The following CNTNAP2 variants were observed in gnomAD, a reference collection of about 807,000 sequenced individuals.
CNTNAP2 encodes the protein contactin-associated protein-like 2.
In CNTNAP2, 98 loss-of-function variants were observed where a neutral mutation model predicts 155.2. The observed-to-expected ratio is 0.63, with a 90% CI of 0.54 to 0.75. The LOEUF is 0.75. CNTNAP2 is among the 30% of genes least tolerant of loss of function. The pLI is 0.00. For missense variants in CNTNAP2, 1,727 were observed against 1,688.1 expected, an observed-to-expected ratio of 1.02 and a Z score of -0.40; for synonymous variants, 651 against 631.2, an observed-to-expected ratio of 1.03 and a Z score of -0.47.
intron 1 of CNTNAP2, among the ~76,000 whole-genome samples, chr7:146,752,499 T>A (rs1801923181): frequency 2.0e-5 from 3 of 152,204 alleles, no homozygotes; most frequent in Admixed American, 1.3e-4. Context: ...TTTAAGTTTC[T>A]TGTAGATTCT....
rs369724886 is a variant in CNTNAP2 at position 148,217,408 on chromosome 7, C to T, written c.3131C>T (p.Pro1044Leu). Residue 1044 changes from proline to leucine, a missense_variant, in exon 19 of 24, where the codon CCG becomes CTG. By Grantham distance (98) the Pro-to-Leu change is moderately conservative. Transcript: ENST00000361727. ...GCTCCCGACCAGCAGAACTCCCACCCGGACCTGGCACAGGAGGAGATCCGC... is the reference window on the plus strand; with the variant it reads ...GCTCCCGACCAGCAGAACTCCCACCTGGACCTGGCACAGGAGGAGATCCGC... ...DNAPDQQNSH[P>L]DLAQEEIRFS... The T allele has an allele frequency of 1.4e-5, 23 of 1,614,172 alleles. No homozygotes were observed. The highest frequency in any genetic ancestry group is 1.1e-4 in the South Asian group (10 of 91,074).
intron 1 of CNTNAP2, among the ~76,000 whole-genome samples, chr7:146,447,496 T>G (rs954115067): frequency 2.0e-5 from 3 of 152,054 alleles, no homozygotes; most frequent in Non-Finnish European, 4.4e-5. Context: ...TCCTACATTT[T>G]TATTAGTTTT....
intron 1 of CNTNAP2, among the ~76,000 whole-genome samples, chr7:146,541,674 T>C (rs1797955312): frequency 6.6e-6 from 1 of 151,946 alleles, no homozygotes; most frequent in African/African-American, 2.4e-5. Flanking sequence ...GCAATAGGCA[T>C]TTGTAAAAGA....
intron 1 of CNTNAP2, among the ~76,000 whole-genome samples, chr7:146,202,872 A>C (rs1798888056): frequency 6.6e-6 from 1 of 152,190 alleles, no homozygotes; most frequent in Non-Finnish European, 1.5e-5. Context: ...TGGGAATTTG[A>C]ATCCATTATC....
At chr7:146,482,105 C>A (rs1796968341) in intron 1 of CNTNAP2, among the ~76,000 whole-genome samples, 2 of 146,220 alleles carry the variant, frequency 1.4e-5, no homozygotes, top group Admixed American at 7.1e-5. Flanking sequence ...TTAGTCAAAG[C>A]AACAGTCACA....
At chr7:146,261,878 T>C (rs2129081654) in intron 1 of CNTNAP2, among the ~76,000 whole-genome samples, 1 of 152,310 alleles carries the variant, frequency 6.6e-6, no homozygotes, top group African/African-American at 2.4e-5. Flanking sequence ...TTGAAAGGCA[T>C]TGAAACCAAT....
At chr7:146,645,631 C>T (rs1466677852) in intron 1 of CNTNAP2, among the ~76,000 whole-genome samples, 1 of 152,160 alleles carries the variant, frequency 6.6e-6, no homozygotes, top group Non-Finnish European at 1.5e-5. Flanking sequence ...TTCTTTTTAA[C>T]AGCTTGACTG....
At chr7:147,480,033 A>G (rs17170548) in intron 10 of CNTNAP2, among the ~76,000 whole-genome samples, 2,403 of 152,306 alleles carry the variant, frequency 0.016, 66 homozygotes, top group African/African-American at 0.055. Context: ...TAGTATAGAA[A>G]TAAAAGTACT....
At chr7:147,618,882 G>C (rs867952655) in intron 12 of CNTNAP2, among the ~76,000 whole-genome samples, 13 of 152,084 alleles carry the variant, frequency 8.5e-5, no homozygotes, top group African/African-American at 2.7e-4. Context: ...GAGGATTACA[G>C]ATATGTTGAG....
intron 1 of CNTNAP2, among the ~76,000 whole-genome samples, chr7:146,519,848 G>A (rs967071578): frequency 6.6e-6 from 1 of 151,740 alleles, no homozygotes; most frequent in African/African-American, 2.4e-5. Flanking sequence ...CCATGAATTA[G>A]TATCAACATA....
chr7:146,671,515 T>C (rs1800305957), intron 1 of CNTNAP2, among the ~76,000 whole-genome samples: 1 of 151,550 alleles, frequency 6.6e-6, no homozygotes, highest in African/African-American at 2.4e-5. Context: ...TAAACCATAA[T>C]TGGGGTTAGA....
intron 1 of CNTNAP2, among the ~76,000 whole-genome samples, chr7:146,742,015 C>T (rs1441620983): frequency 6.7e-6 from 1 of 150,074 alleles, no homozygotes; most frequent in Non-Finnish European, 1.5e-5. Flanking sequence ...CCTTACTGAA[C>T]AAAACAATAA....
chr7:147,763,631 A>G (rs187028440), intron 13 of CNTNAP2, among the ~76,000 whole-genome samples: 13 of 152,266 alleles, frequency 8.5e-5, no homozygotes, highest in South Asian at 2.1e-4. Context: ...CTTATTACAT[A>G]TGGCAAGTTC....
chr7:146,770,963 T>C (rs1407623058), intron 1 of CNTNAP2, among the ~76,000 whole-genome samples: 2 of 152,148 alleles, frequency 1.3e-5, no homozygotes. Context: ...AGGTATGGAC[T>C]AGAAAAATTT....
chr7:146,662,572 T>C (rs1400957912), intron 1 of CNTNAP2, among the ~76,000 whole-genome samples: 1 of 150,322 alleles, frequency 6.7e-6, no homozygotes, highest in African/African-American at 2.5e-5. Context: ...CTGTGGTTTA[T>C]TTTTTATATT....
intron 1 of CNTNAP2, among the ~76,000 whole-genome samples, chr7:146,348,764 A>G (rs1462548532): frequency 1.3e-5 from 2 of 150,242 alleles, no homozygotes; most frequent in Non-Finnish European, 3.0e-5. Flanking sequence ...CGTTAACACC[A>G]AACAATGGGT....
intron 3 of CNTNAP2, among the ~76,000 whole-genome samples, chr7:146,923,733 C>A (rs1305121212): frequency 6.6e-6 from 1 of 152,146 alleles, no homozygotes; most frequent in African/African-American, 2.4e-5. Context: ...TACTTCTGAC[C>A]CAACCACAAA....
intron 15 of CNTNAP2, among the ~76,000 whole-genome samples, chr7:148,116,356 T>C (rs1287266826): frequency 6.6e-6 from 1 of 152,190 alleles, no homozygotes; most frequent in African/African-American, 2.4e-5. Flanking sequence ...ATGTAAATAC[T>C]GAAACGAAAC....
intron 16 of CNTNAP2, among the ~76,000 whole-genome samples, chr7:148,132,699 C>T (rs538754054): frequency 6.6e-6 from 1 of 152,216 alleles, no homozygotes; most frequent in South Asian, 2.1e-4. Context: ...ACAAACTTCT[C>T]CACAGGGAAA....
Sources: allele counts gnomAD v4.1 joint callset (sites outside exome capture counted in the v4.1 genomes callset), GRCh38; gene constraint gnomAD v4.1.1; transcripts MANE v1.5; gene names NCBI Gene and HGNC (gene_info 2026-07-23, HGNC 2026-07-21).